Variants in PLEKHA3 observed in about 807,000 individuals in gnomAD.
PLEKHA3 encodes the protein pleckstrin homology domain-containing family A member 3.
Under a neutral mutation model 39.2 loss-of-function variants are expected in PLEKHA3, and 19 were observed. The observed-to-expected ratio is 0.48, with a 90% CI of 0.34 to 0.71. The LOEUF is 0.71. Among genes scored for constraint, PLEKHA3 ranks in the 30% least tolerant of loss-of-function variants. PLEKHA3 has a pLI of 0.01. For missense variants in PLEKHA3, 253 were observed against 359.5 expected, an observed-to-expected ratio of 0.70 and a Z score of 2.40; for synonymous variants, 97 against 118.6, an observed-to-expected ratio of 0.82 and a Z score of 1.18.
intron 5 of PLEKHA3, among the ~76,000 whole-genome samples, chr2:178,498,971 A>G (rs560626845): frequency 9.9e-5 from 15 of 152,162 alleles, no homozygotes; most frequent in African/African-American, 3.1e-4. Context: ...TTTTGAAAAA[A>G]GAATCCAGCA....
intron 5 of PLEKHA3, among the ~76,000 whole-genome samples, chr2:178,497,729 CTT>C (rs941114115): frequency 6.8e-6 from 1 of 146,772 alleles, no homozygotes; most frequent in African/African-American, 2.5e-5. Flanking sequence ...AAAGGGTACA[CTT>C]TTTTTTTTTA....
rs371208101 is a variant in PLEKHA3 at position 178,494,065 on chromosome 2, A to G, written c.450+76A>G. On this transcript the variant is annotated intron_variant, in intron 4 of 7. Transcript: ENST00000234453. Reference sequence around the variant, plus strand: ...GGGGGATCCTCAGTCATTCCATAAGATGACAGGCATTTTCACATTGAGTTA... The same window carrying G: ...GGGGGATCCTCAGTCATTCCATAAGGTGACAGGCATTTTCACATTGAGTTA... The G allele has an allele frequency of 3.4e-5, 50 of 1,484,458 alleles. No homozygotes were observed. The highest frequency in any genetic ancestry group is 1.7e-4 in the Admixed American group (8 of 48,056). 92.0% of individuals were successfully genotyped at this position (1,484,458 alleles called of 1,614,324 possible).
chr2:178,490,563 T>C (rs375317576), intron 2 of PLEKHA3, 96 bp from the exon 3 acceptor site: 216 of 1,246,086 alleles, frequency 1.7e-4, no homozygotes, highest in Non-Finnish European at 2.3e-4. Flanking sequence ...GTTTTTGGTA[T>C]ATGAAGCATC....
At position 178,514,206 on chromosome 2, in the gene PLEKHA3, T is replaced by G. The variant is rs1685728160; in HGVS notation, c.*10319T>G. 6.6e-6 allele frequency: 1 copy of G among 152,082 alleles called. No homozygotes were observed. 9.4% of individuals were successfully genotyped at this position (152,082 alleles called of 1,614,324 possible). The stretch of plus-strand genomic sequence containing the variant: ...GATAGCAAACTGCCTTTTTTTTTTT[T>G]TTTAACTCCTGTGTCATCTCTGATG... On this transcript the variant is annotated 3_prime_UTR_variant, in exon 8 of 8. Coordinates refer to ENST00000234453, the MANE Select transcript of PLEKHA3 (RefSeq NM_019091.4).
Position 178,513,564 on chromosome 2 carries a change from G to A in PLEKHA3, c.*9677G>A, listed in dbSNP as rs1450580776. 6.6e-6 allele frequency: 1 copy of A among 152,170 alleles called. No homozygotes were observed. Among genetic ancestry groups the A allele is most frequent in the Non-Finnish European group, 1.5e-5 (1 of 68,034 alleles). 9.4% of individuals were successfully genotyped at this position (152,170 alleles called of 1,614,324 possible). On this transcript the variant is annotated 3_prime_UTR_variant, in exon 8 of 8. Coordinates refer to ENST00000234453, the MANE Select transcript of PLEKHA3 (RefSeq NM_019091.4). The stretch of plus-strand genomic sequence containing the variant: ...TTTCTTTAATTGTGTATGCGTGAGT[G>A]TGACAGTGTGTGTGCCTGTGTCTCT...
chr2:178,488,894 T>C (rs1001077344), intron 2 of PLEKHA3: 18 of 401,348 alleles, frequency 4.5e-5, no homozygotes, highest in Non-Finnish European at 8.5e-5. Flanking sequence ...TGTTTTGTAG[T>C]TTTGTGTTTA....
At chr2:178,481,834 A>G (rs1685168200) in intron 1 of PLEKHA3, 1 of 93,464 alleles carries the variant, frequency 1.1e-5, no homozygotes, top group East Asian at 5.0e-4. Flanking sequence ...AACAGTAAAC[A>G]GATTTTTTGG....
At chr2:178,500,192 G>C (rs1198047970) in intron 6 of PLEKHA3, among the ~76,000 whole-genome samples, 1 of 151,942 alleles carries the variant, frequency 6.6e-6, no homozygotes, top group Non-Finnish European at 1.5e-5. Flanking sequence ...AGTGACATTG[G>C]CATTTATTTC....
intron 2 of PLEKHA3, among the ~76,000 whole-genome samples, chr2:178,490,206 T>C (rs1006788331): frequency 2.0e-5 from 3 of 152,344 alleles, no homozygotes; most frequent in African/African-American, 7.2e-5. Flanking sequence ...GGGCATATCA[T>C]AGAGTTACTT....
chr2:178,497,729 CT>C lies in PLEKHA3; in HGVS notation c.616-1471del, dbSNP rs941114115. On this transcript the variant is annotated intron_variant, in intron 5 of 7. Coordinates refer to ENST00000234453, the MANE Select transcript of PLEKHA3 (RefSeq NM_019091.4). ...CTGAGGTTGATAGACAAAGGGTACA[CT>C]TTTTTTTTTTAAGCTGTACTTTTTA... Among the ~76,000 whole-genome samples the C allele has an allele frequency of 5.4e-4, 79 of 146,700 alleles. 1 individual carries two copies. The East Asian group carries it at 8.9e-3, about 17-fold the overall frequency.
chr2:178,505,375 T>C lies in PLEKHA3; in HGVS notation c.*1488T>C, dbSNP rs1217924945. 3 of 151,960 alleles carry C rather than the reference T, an allele frequency of 2.0e-5. No homozygotes were observed. Among genetic ancestry groups the C allele is most frequent in the Non-Finnish European group, 2.9e-5 (2 of 67,870 alleles). 9.4% of individuals were successfully genotyped at this position (151,960 alleles called of 1,614,324 possible). A position where few individuals can be genotyped will look rare whatever the true frequency, so the allele number is the denominator to read the frequency against. On this transcript the variant is annotated 3_prime_UTR_variant, in exon 8 of 8. Transcript: ENST00000234453. ...AACAGTCTATACATTAATATGTGTT[T>C]GGGTAAACTGTATGCTACTTGAAGT...
intron 5 of PLEKHA3, among the ~76,000 whole-genome samples, chr2:178,498,183 G>C (rs1449810947): frequency 6.6e-6 from 1 of 152,192 alleles, no homozygotes; most frequent in Admixed American, 6.5e-5. Context: ...TGGACCTACA[G>C]ATTGAGTGAT....
intron 4 of PLEKHA3, among the ~76,000 whole-genome samples, chr2:178,495,148 G>C (rs1257987910): frequency 6.6e-6 from 1 of 152,126 alleles, no homozygotes; most frequent in East Asian, 1.9e-4. Flanking sequence ...TTCCATGTCT[G>C]TGTCCACTTT....
chr2:178,501,117 G>A lies in PLEKHA3; in HGVS notation c.716G>A (p.Arg239His), dbSNP rs755002136. ...VSTLHRLSQR[R>H]RRTYSDTDSC... ...ACACTTCACCGACTCTCCCAGCGAC[G>A]CCGAAGAACCTACTCAGATACAGAT... Residue 239 changes from arginine (R) to histidine (H), a missense_variant, in exon 7 of 8, where the codon CGC becomes CAC. This residue lies in a region of PLEKHA3 where 127 missense variants were observed against 136.8 expected (regional missense o/e 0.93). Coordinates refer to ENST00000234453, the MANE Select transcript of PLEKHA3 (RefSeq NM_019091.4). The A allele has an allele frequency of 4.1e-5, 66 of 1,613,160 alleles. No individual in the cohort carries two copies. Among genetic ancestry groups the A allele is most frequent in the African/African-American group, 5.3e-5 (4 of 74,830 alleles).
intron 2 of PLEKHA3, among the ~76,000 whole-genome samples, chr2:178,486,692 G>A (rs758031698): frequency 1.3e-5 from 2 of 152,112 alleles, no homozygotes; most frequent in African/African-American, 4.8e-5. Flanking sequence ...ATATTGTTCT[G>A]TGTAACAGTA....
intron 1 of PLEKHA3, among the ~76,000 whole-genome samples, chr2:178,484,248 G>A (rs1235892579): frequency 1.3e-5 from 2 of 152,160 alleles, no homozygotes; most frequent in Non-Finnish European, 2.9e-5. Flanking sequence ...TAAAGTCCAT[G>A]TACCAAAATA....
In PLEKHA3 at chr2:178,513,785, A is replaced by G. The variant is rs1303630075; in HGVS notation, c.*9898A>G. On this transcript the variant is annotated 3_prime_UTR_variant, in exon 8 of 8. Transcript: ENST00000234453. ...TTGACAACAATCAAAAGTATGGCCT[A>G]CAGATAGTAAGGGTTAACCACCCAG... The G allele has an allele frequency of 2.6e-5, 4 of 151,990 alleles. No homozygotes were observed. Among genetic ancestry groups the G allele is most frequent in the African/African-American group, 9.7e-5 (4 of 41,360 alleles). 9.4% of individuals were successfully genotyped at this position (151,990 alleles called of 1,614,324 possible).
chr2:178,483,552 C>A (rs761729139), intron 1 of PLEKHA3, among the ~76,000 whole-genome samples: 1 of 151,970 alleles, frequency 6.6e-6, no homozygotes, highest in African/African-American at 2.4e-5. Flanking sequence ...TCATTTTGCC[C>A]AATATTTGTT....
At chr2:178,495,447 T>G (rs745319875) in intron 4 of PLEKHA3, 49 bp from the exon 5 acceptor site, 16 of 1,556,662 alleles carry the variant, frequency 1.0e-5, no homozygotes, top group African/African-American at 1.4e-5. Flanking sequence ...TGTATATGAT[T>G]CCATGTAGTT....
Sources: allele counts gnomAD v4.1 joint callset (sites outside exome capture counted in the v4.1 genomes callset), GRCh38; gene constraint gnomAD v4.1.1; regional missense constraint gnomAD v4.1.1; transcripts MANE v1.5; gene names NCBI Gene and HGNC (gene_info 2026-07-23, HGNC 2026-07-21).